The following EXD3 variants were observed in gnomAD, a reference collection of about 807,000 sequenced individuals.
EXD3 encodes the protein exonuclease 3'-5' domain containing 3.
In EXD3, 92 loss-of-function variants were observed where a neutral mutation model predicts 98.0. The ratio of observed to expected loss-of-function variants is 0.94; its 90% CI spans 0.79 to 1.12. EXD3 has a LOEUF of 1.12. EXD3 is among the 50% of genes most tolerant of loss of function. EXD3 has a pLI of 0.00. For missense variants in EXD3, 1,222 were observed against 1,191.6 expected, an observed-to-expected ratio of 1.03 and a Z score of -0.38; for synonymous variants, 569 against 526.0, an observed-to-expected ratio of 1.08 and a Z score of -1.12.
intron 8 of EXD3, among the ~76,000 whole-genome samples, chr9:137,355,628 T>C (rs141339380): frequency 0.014 from 70 of 4,910 alleles, no homozygotes; most frequent in Non-Finnish European, 0.026. Context: ...GAAGGGAGGA[T>C]GGAGGAAGGA....
chr9:137,306,953 G>A lies in EXD3; in HGVS notation c.2628C>T (p.Phe876=). ...SPAPSPASSP[F] ...CATGTTTATTGTCTGGCTGTCCTCA[G>A]AAGGGACTGCTGGCCGGGCTGGGGG... is the stretch of plus-strand genomic sequence containing the variant. The change falls in exon 22 of 22, where the codon TTC becomes TTT. Residue 876 remains phenylalanine (F), a synonymous_variant. Coordinates refer to ENST00000340951, the MANE Select transcript of EXD3 (RefSeq NM_017820.5). The A allele has an allele frequency of 6.4e-7, 1 of 1,573,458 alleles. No homozygotes were observed. Among genetic ancestry groups the A allele is most frequent in the Non-Finnish European group, 8.6e-7 (1 of 1,158,224 alleles).
rs907273081 is a variant in EXD3, at chr9:137,371,159, C to T, written c.462+1746G>A. 6.6e-6 allele frequency among the ~76,000 whole-genome samples: 1 copy of T among 152,230 alleles called. No individual in the cohort carries two copies. The highest frequency in any genetic ancestry group is 2.4e-5 in the African/African-American group (1 of 41,460). ...GGAGGCGCATTCAGCCGGCCCCAGACAGTCTTTGAAAGGCTCTGTAACAGA... is the reference window on the plus strand; with the variant it reads ...GGAGGCGCATTCAGCCGGCCCCAGATAGTCTTTGAAAGGCTCTGTAACAGA... On this transcript the variant is annotated intron_variant, in intron 5 of 21. Transcript: ENST00000340951. This position sits in a 1 kb window ranked among gnomAD's most constrained non-coding sequence, Gnocchi z 8.0.
chr9:137,363,030 T>G (rs555570541), intron 7 of EXD3, among the ~76,000 whole-genome samples: 13 of 151,804 alleles, frequency 8.6e-5, no homozygotes, highest in Non-Finnish European at 1.5e-4. Context: ...AGGCTGGTCT[T>G]GAACTCCTGA....
In EXD3 at chr9:137,352,228, C is replaced by A. The variant is rs748015405; in HGVS notation, c.1038-27G>T. ...TGGGAGGAGCAGAGCTGGTAGCGCC[C>A]CCATGTCCCTGGTCCCCCACCCACT... is the stretch of plus-strand genomic sequence containing the variant. On this transcript the variant is annotated intron_variant, in intron 11 of 21. Transcript: ENST00000340951. 8.1e-6 allele frequency: 13 copies of A among 1,611,670 alleles called. No homozygotes were observed. The South Asian group carries it at 1.4e-4, about 18-fold the overall frequency.
At chr9:137,365,586 TACACAC>T (rs1835185119) in intron 7 of EXD3, 1 of 146,318 alleles carries the variant, frequency 6.8e-6, no homozygotes, top group African/African-American at 3.3e-5. Flanking sequence ...CACACACAGG[TACACAC>T]GCACACACAT....
At chr9:137,325,139 G>T (rs958693603) in intron 17 of EXD3, among the ~76,000 whole-genome samples, 1 of 152,148 alleles carries the variant, frequency 6.6e-6, no homozygotes, top group African/African-American at 2.4e-5. Flanking sequence ...CAATCCCATC[G>T]CCGGGAGTGC....
At chr9:137,342,405 G>A (rs1833693962) in intron 17 of EXD3, among the ~76,000 whole-genome samples, 1 of 152,018 alleles carries the variant, frequency 6.6e-6, no homozygotes, top group Admixed American at 6.5e-5. Flanking sequence ...AGAGGAAACA[G>A]GGCTCAGGCA....
intron 10 of EXD3, chr9:137,354,103 T>A (rs1834471889): frequency 3.1e-6 from 4 of 1,272,560 alleles, no homozygotes; most frequent in Non-Finnish European, 4.0e-6. Context: ...CGCTGCCGTC[T>A]GCCTGGAACG....
chr9:137,353,759 G>A (rs116930293), intron 10 of EXD3: 27,030 of 985,634 alleles, frequency 0.027, 417 homozygotes, highest in Non-Finnish European at 0.03. Context: ...AGTGTCAGGC[G>A]GGAAGGGAGG....
At chr9:137,321,053 C>A (rs2119089531) in intron 19 of EXD3, among the ~76,000 whole-genome samples, 1 of 152,312 alleles carries the variant, frequency 6.6e-6, no homozygotes, top group East Asian at 1.9e-4. Context: ...GTCAGAGGGT[C>A]AGACTGCACC....
At chr9:137,352,323 T>C in intron 11 of EXD3, 122 bp from the exon 12 acceptor site, 1 of 1,374,674 alleles carries the variant, frequency 7.3e-7, no homozygotes, top group Non-Finnish European at 1.0e-6. Flanking sequence ...TGGCTCCTCC[T>C]CCCACACCGG....
At position 137,405,023 on chromosome 9, in the gene EXD3, G is replaced by A. The variant is rs989737191; in HGVS notation, c.-47-9619C>T. ...GGGGACACAGTGCTATCCCCCAGGCGAGCCGGGTGCTGGGAGGGGACACGT... is the reference window on the plus strand; with the variant it reads ...GGGGACACAGTGCTATCCCCCAGGCAAGCCGGGTGCTGGGAGGGGACACGT... On this transcript the variant is annotated intron_variant, in intron 1 of 21. Coordinates refer to ENST00000340951, the MANE Select transcript of EXD3 (RefSeq NM_017820.5). The surrounding 1 kb of genome is among the most constrained non-coding windows in gnomAD (Gnocchi z 4.1). Among the ~76,000 whole-genome samples the A allele has an allele frequency of 1.3e-5, 2 of 152,164 alleles. No homozygotes were observed. The highest frequency in any genetic ancestry group is 1.9e-4 in the East Asian group (1 of 5,196).
intron 19 of EXD3, among the ~76,000 whole-genome samples, chr9:137,317,088 G>C (rs1361411432): frequency 6.6e-6 from 1 of 152,160 alleles, no homozygotes; most frequent in Admixed American, 6.5e-5. Context: ...CGGGCCTGGA[G>C]GGGGTGGGAA....
chr9:137,330,089 A>C (rs1405014363), intron 17 of EXD3, among the ~76,000 whole-genome samples: 2 of 140,382 alleles, frequency 1.4e-5, no homozygotes, highest in Non-Finnish European at 3.0e-5. Flanking sequence ...CACAGGAGCT[A>C]CACAGGGCTC....
intron 1 of EXD3, among the ~76,000 whole-genome samples, chr9:137,410,129 C>A (rs1486386823): frequency 6.6e-6 from 1 of 151,552 alleles, no homozygotes; most frequent in Non-Finnish European, 1.5e-5. Context: ...TGAGCCGAGA[C>A]CGTGCCACTA....
chr9:137,372,886 G>A lies in EXD3; in HGVS notation c.462+19C>T, dbSNP rs377462082. 7.3e-5 allele frequency: 117 copies of A among 1,596,592 alleles called. No individual in the cohort carries two copies. Among genetic ancestry groups the A allele is most frequent in the African/African-American group, 9.3e-5 (7 of 74,992 alleles). ...CGAGAAGCCGTTTCCCCATGAGCCC[G>A]GCCACGTGGGCCACTCACTTCTCTG... On this transcript the variant is annotated intron_variant, in intron 5 of 21. Transcript: ENST00000340951.
chr9:137,352,503 G>C, intron 11 of EXD3, 117 bp downstream of exon 11: 2 of 1,103,392 alleles, frequency 1.8e-6, no homozygotes, highest in Non-Finnish European at 2.5e-6. Context: ...TCTTTGTTTT[G>C]TCTTGATTTC....
chr9:137,370,303 T>A (rs372501381), intron 5 of EXD3, among the ~76,000 whole-genome samples: 1 of 152,180 alleles, frequency 6.6e-6, no homozygotes. Flanking sequence ...CCACTGTCCA[T>A]GCCTGGCCAC....
Position 137,354,908 on chromosome 9 carries a change from C to A in EXD3, c.758-135G>T, listed in dbSNP as rs964036415. On this transcript the variant is annotated intron_variant, in intron 8 of 21. Transcript: ENST00000340951. ...CCTCCACCTCTGCCCCGGAGCCCAC[C>A]CCCTCCTCACCACCTGGGCCTCTGC... 20 of 835,694 alleles carry A rather than the reference C, an allele frequency of 2.4e-5. No individual in the cohort carries two copies. In the African/African-American group the frequency reaches 3.4e-4, roughly 14 times the overall value. 51.8% of individuals were successfully genotyped at this position (835,694 alleles called of 1,614,324 possible).
Sources: gnomAD v4.1 joint callset for allele counts (sites outside exome capture counted in the v4.1 genomes callset) on GRCh38, gnomAD v4.1.1 for gene constraint, Gnocchi (gnomAD v3.1) non-coding constraint, MANE v1.5 for transcripts, NCBI Gene and HGNC (gene_info 2026-07-23, HGNC 2026-07-21) for gene names.